The following GPHN variants were observed in gnomAD, a reference collection of about 807,000 sequenced individuals.
GPHN encodes the protein gephyrin.
GPHN carries 17 observed loss-of-function variants against 95.5 expected under a neutral mutation model. That is an observed-to-expected ratio of 0.18 (90% CI 0.12 to 0.27). The LOEUF (loss-of-function observed/expected upper bound fraction) is 0.27, where lower values mean the gene tolerates loss of function less well. Among genes scored for constraint, GPHN ranks in the 10% least tolerant of loss-of-function variants. The pLI is 1.00. For synonymous variants in GPHN, 320 were observed against 322.5 expected, an observed-to-expected ratio of 0.99 and a Z score of 0.08; for missense variants, 660 against 978.1, an observed-to-expected ratio of 0.67 and a Z score of 4.34.
chr14:67,201,824 C>G, the GPHN span: 1 of 257,650 alleles, frequency 3.9e-6, no homozygotes, highest in South Asian at 4.1e-5. Context: ...TATCATACAG[C>G]TGAGAAACTA....
At chr14:66,882,280 G>A (rs2063966447) in intron 5 of GPHN, among the ~76,000 whole-genome samples, 1 of 151,668 alleles carries the variant, frequency 6.6e-6, no homozygotes, top group Admixed American at 6.6e-5. Context: ...AATGTATATT[G>A]TTGCAGTTAC....
intron 10 of GPHN, among the ~76,000 whole-genome samples, chr14:67,044,307 A>AGTG (rs1165757564): frequency 3.9e-5 from 6 of 152,172 alleles, no homozygotes; most frequent in Admixed American, 6.5e-5. Flanking sequence ...ACTGCACTCC[A>AGTG]GCCTGGGTGA....
At chr14:67,514,608 AT>A in the GPHN span, among the ~76,000 whole-genome samples, 2 of 151,932 alleles carry the variant, frequency 1.3e-5, no homozygotes, top group Non-Finnish European at 2.9e-5. Context: ...TCAGCCTCTA[AT>A]TCAGGAGGGT....
intron 10 of GPHN, among the ~76,000 whole-genome samples, chr14:67,028,421 G>A (rs2074030753): frequency 6.6e-6 from 1 of 152,092 alleles, no homozygotes; most frequent in Non-Finnish European, 1.5e-5. Flanking sequence ...AGTTCTATTT[G>A]TAGTTTTTTG....
At chr14:67,711,983 G>A in the GPHN span, among the ~76,000 whole-genome samples, 19 of 152,138 alleles carry the variant, frequency 1.2e-4, no homozygotes, top group East Asian at 2.1e-3. Flanking sequence ...GCAATGGTGC[G>A]ATCTAGGCTC....
the GPHN span, chr14:67,648,189 T>TAGCAACCAGGTCTGC: frequency 6.2e-7 from 1 of 1,611,562 alleles, no homozygotes; most frequent in South Asian, 1.1e-5. Context: ...TACAGGTATG[T>TAGCAACCAGGTCTGC]AGCAACCAGG....
At chr14:66,782,260 T>G (rs889522394) in intron 3 of GPHN, among the ~76,000 whole-genome samples, 2 of 152,224 alleles carry the variant, frequency 1.3e-5, no homozygotes, top group Non-Finnish European at 2.9e-5. Context: ...CCTGAACTTC[T>G]GTTCCATTAA....
At chr14:67,317,053 G>T in the GPHN span, 1 of 622,342 alleles carries the variant, frequency 1.6e-6, no homozygotes, top group South Asian at 2.3e-5. Flanking sequence ...GTAAAGAAAG[G>T]ATAAGATTTA....
At chr14:67,594,845 A>C in the GPHN span, among the ~76,000 whole-genome samples, 1 of 152,182 alleles carries the variant, frequency 6.6e-6, no homozygotes, top group Non-Finnish European at 1.5e-5. Context: ...CCTACCTTAA[A>C]CGTGCTCAGA....
At chr14:67,377,396 A>G in the GPHN span, among the ~76,000 whole-genome samples, 2 of 152,174 alleles carry the variant, frequency 1.3e-5, no homozygotes, top group African/African-American at 4.8e-5. Flanking sequence ...AGTAGTGGCT[A>G]TTTTAGAGCT....
At chr14:67,530,156 G>A in the GPHN span, among the ~76,000 whole-genome samples, 4 of 152,220 alleles carry the variant, frequency 2.6e-5, no homozygotes, top group South Asian at 4.2e-4. Flanking sequence ...AAGATCTCTC[G>A]TAAACTCCAG....
intron 2 of GPHN, among the ~76,000 whole-genome samples, chr14:66,689,087 TG>T (rs2067599378): frequency 6.6e-6 from 1 of 152,106 alleles, no homozygotes; most frequent in Non-Finnish European, 1.5e-5. Flanking sequence ...AAAAAGAAAG[TG>T]GTAAAAGTGA....
At chr14:67,259,534 C>T in the GPHN span, among the ~76,000 whole-genome samples, 1 of 152,158 alleles carries the variant, frequency 6.6e-6, no homozygotes, top group African/African-American at 2.4e-5. Flanking sequence ...ATTGCGTGAA[C>T]TCAGGAGGCA....
chr14:67,376,522 C>G, the GPHN span: 12 of 1,614,070 alleles, frequency 7.4e-6, no homozygotes, highest in Non-Finnish European at 9.3e-6. Flanking sequence ...AGAGGACTGC[C>G]TGGGTCTTTG....
intron 2 of GPHN, among the ~76,000 whole-genome samples, chr14:66,707,920 G>A (rs1313680450): frequency 1.3e-5 from 2 of 152,082 alleles, no homozygotes; most frequent in South Asian, 2.1e-4. Flanking sequence ...TATCATTTCT[G>A]TGTGGTGATA....
intron 5 of GPHN, among the ~76,000 whole-genome samples, chr14:66,913,065 G>T (rs185948356): frequency 5.3e-5 from 8 of 152,266 alleles, no homozygotes; most frequent in South Asian, 2.1e-4. Context: ...GAGAGGAGGG[G>T]ATAAGGGTGG....
chr14:67,017,748 A>G (rs1280532424), intron 9 of GPHN, among the ~76,000 whole-genome samples: 3 of 152,078 alleles, frequency 2.0e-5, no homozygotes, highest in Admixed American at 2.0e-4. Flanking sequence ...ATTAATTTCT[A>G]AATTCTTGAG....
At chr14:66,997,749 CTG>C (rs1168588950) in intron 9 of GPHN, among the ~76,000 whole-genome samples, 4 of 152,110 alleles carry the variant, frequency 2.6e-5, no homozygotes, top group Non-Finnish European at 2.9e-5. Flanking sequence ...CAAGTTATAA[CTG>C]TGAGATTTTT....
the GPHN span, among the ~76,000 whole-genome samples, chr14:67,510,836 G>C: frequency 1.3e-5 from 2 of 152,184 alleles, no homozygotes; most frequent in African/African-American, 4.8e-5. Context: ...GTCCCTGTCG[G>C]TGCTCTGAAG....
Sources: gnomAD v4.1 joint callset for allele counts (sites outside exome capture counted in the v4.1 genomes callset) on GRCh38, gnomAD v4.1.1 for gene constraint, MANE v1.5 for transcripts, NCBI Gene and HGNC (gene_info 2026-07-23, HGNC 2026-07-21) for gene names.